ADCY1: variants seen among roughly 807,000 people sequenced by gnomAD.
ADCY1 encodes adenylate cyclase type 1.
ADCY1 carries 28 observed loss-of-function variants against 105.4 expected under a neutral mutation model. The observed-to-expected ratio is 0.27, with a 90% CI of 0.20 to 0.36. The LOEUF (loss-of-function observed/expected upper bound fraction) is 0.36, where lower values mean the gene tolerates loss of function less well. Ranked by LOEUF, ADCY1 falls within the 10% of genes least tolerant of loss-of-function variation. ADCY1 has a pLI of 1.00. For missense variants in ADCY1, 977 were observed against 1,434.2 expected (o/e 0.68, Z 5.15); for synonymous variants, 655 against 623.8 (o/e 1.05, Z -0.75).
At chr7:45,699,026 A>G (rs770932115) in intron 14 of ADCY1, among the ~76,000 whole-genome samples, 3 of 152,128 alleles carry the variant, frequency 2.0e-5, no homozygotes, top group Admixed American at 6.5e-5. Context: ...CTGAGTACCA[A>G]CTCATGGTGT....
chr7:45,656,256 T>C (rs1178218945), intron 5 of ADCY1, among the ~76,000 whole-genome samples: 6 of 150,758 alleles, frequency 4.0e-5, no homozygotes, highest in Admixed American at 2.6e-4. Flanking sequence ...TGAGGGGAGA[T>C]AGCGCCACTG....
At chr7:45,651,282 A>G (rs576403298) in intron 5 of ADCY1, among the ~76,000 whole-genome samples, 252 of 151,846 alleles carry the variant, frequency 1.7e-3, no homozygotes, top group African/African-American at 6.0e-3. Context: ...AGACCCTGGG[A>G]CCCACCAGTG....
chr7:45,648,833 G>A (rs752055362), intron 5 of ADCY1, 36 bp downstream of exon 5: 10 of 1,607,368 alleles, frequency 6.2e-6, no homozygotes, highest in South Asian at 5.5e-5. Flanking sequence ...AGTGGCCTGG[G>A]GCATCTACAC....
At chr7:45,620,009 A>G (rs1297549240) in intron 3 of ADCY1, among the ~76,000 whole-genome samples, 2 of 152,212 alleles carry the variant, frequency 1.3e-5, no homozygotes, top group Non-Finnish European at 2.9e-5. Context: ...TGGTATCTCA[A>G]TAAAGGTGTT....
At chr7:45,610,769 A>AAGGTGAGGTGATGATGGAGGG (rs1793527993) in intron 3 of ADCY1, among the ~76,000 whole-genome samples, 18 of 21,538 alleles carry the variant, frequency 8.4e-4, no homozygotes, top group African/African-American at 3.5e-3. Flanking sequence ...TAGAGGTGAT[A>AAGGTGAGGTGATGATGGAGGG]GTGGAGGTGT....
intron 2 of ADCY1, among the ~76,000 whole-genome samples, chr7:45,596,400 C>A (rs1473787430): frequency 1.3e-5 from 2 of 152,004 alleles, no homozygotes; most frequent in African/African-American, 4.8e-5. Flanking sequence ...CAGGGAGACA[C>A]ACCTGGTCCT....
chr7:45,718,420 G>A lies in ADCY1; in HGVS notation c.*4425G>A, dbSNP rs1785400029. On this transcript the variant is annotated 3_prime_UTR_variant, in exon 20 of 20. Transcript: ENST00000297323. ...GAAGAGCCCTCTGAACAGGACACCT[G>A]TTCAGGCCTGGGGGCCCCATGCTAG... is the stretch of plus-strand genomic sequence containing the variant. The A allele has an allele frequency of 6.6e-6, 1 of 152,244 alleles. No homozygotes were observed. Among genetic ancestry groups the A allele is most frequent in the African/African-American group, 2.4e-5 (1 of 41,456 alleles). 9.4% of individuals were successfully genotyped at this position (152,244 alleles called of 1,614,324 possible).
In ADCY1 at chr7:45,610,491, AT is replaced by A; in HGVS notation, c.903del (p.Asn301LysfsTer2). The A allele has an allele frequency of 2.5e-6, 4 of 1,613,402 alleles. No homozygotes were observed. Among genetic ancestry groups the A allele is most frequent in the African/African-American group, 1.3e-5 (1 of 75,016 alleles). ...AAGATTTACATCCAGAGGCACGACA[AT>A]GTGAGGTAGGGCTGGTGCTGACCCG... The part of the protein sequence containing the change: ...FHKIYIQRHD[N>X]VSILFADIVG... On this transcript the variant is annotated frameshift_variant, in exon 3 of 20. Coordinates refer to ENST00000297323, the MANE Select transcript of ADCY1 (RefSeq NM_021116.4). LOFTEE classifies it high-confidence loss of function.
At chr7:45,599,056 C>T (rs1793150437) in intron 2 of ADCY1, among the ~76,000 whole-genome samples, 1 of 152,106 alleles carries the variant, frequency 6.6e-6, no homozygotes, top group African/African-American at 2.4e-5. Context: ...GCTGCCTGGT[C>T]GGGGTGACAT....
chr7:45,683,249 C>G lies in ADCY1; in HGVS notation c.1984-1730C>G, dbSNP rs1038397738. On this transcript the variant is annotated intron_variant, in intron 11 of 19. Coordinates refer to ENST00000297323, the MANE Select transcript of ADCY1 (RefSeq NM_021116.4). ...ATCTACATACTTTTCCCCCAGACCC[C>G]CTTGTCATTAATTTTCCAACCATGT... is the stretch of plus-strand genomic sequence containing the variant. Among the ~76,000 whole-genome samples, 3 of 152,302 alleles carry G rather than the reference C, an allele frequency of 2.0e-5. No individual in the cohort carries two copies. The South Asian group carries it at 6.2e-4, about 32-fold the overall frequency.
Position 45,710,786 on chromosome 7 carries a change from T to C in ADCY1, c.3057+134T>C, listed in dbSNP as rs1019298616. 5.6e-6 allele frequency: 7 copies of C among 1,253,500 alleles called. No homozygotes were observed. The African/African-American group carries it at 9.2e-5, about 17-fold the overall frequency. The allele number at this position is 1,253,500 out of a possible 1,614,324, so 77.6% of individuals were successfully genotyped here. On this transcript the variant is annotated intron_variant, in intron 19 of 19. Transcript: ENST00000297323. This position sits in a 1 kb window ranked among gnomAD's most constrained non-coding sequence, Gnocchi z 4.7. ...GGGCAGAAAGAGCTGCATATTTCGGTCTGTCTGCTCTGGAGGGCATCCTGG... is the reference window on the plus strand; with the variant it reads ...GGGCAGAAAGAGCTGCATATTTCGGCCTGTCTGCTCTGGAGGGCATCCTGG...
At chr7:45,609,830 C>T (rs1431802240) in intron 2 of ADCY1, among the ~76,000 whole-genome samples, 3 of 152,134 alleles carry the variant, frequency 2.0e-5, no homozygotes, top group African/African-American at 7.2e-5. Flanking sequence ...TTTGAAAAAT[C>T]CAAACATTTA....
At chr7:45,687,485 T>G (rs931421137) in intron 14 of ADCY1, among the ~76,000 whole-genome samples, 1 of 152,182 alleles carries the variant, frequency 6.6e-6, no homozygotes, top group Non-Finnish European at 1.5e-5. Flanking sequence ...ATCAAACATT[T>G]AGGACCAGGC....
Position 45,686,051 on chromosome 7 carries a change from C to T in ADCY1, c.2163C>T (p.Thr721=), listed in dbSNP as rs980771358. ...GGGGCCAGCGCACAGCCCTGCCCAC[C>T]CTGCCCTGCGAGTCTACACACCATG... ...SSGGQRTALP[T]LPCESTHHAL... The change falls in exon 13 of 20, where the codon ACC becomes ACT. Residue 721 remains threonine (T), a synonymous_variant. Coordinates refer to ENST00000297323, the MANE Select transcript of ADCY1 (RefSeq NM_021116.4). This position sits in a 1 kb window ranked among gnomAD's most constrained non-coding sequence, Gnocchi z 4.3. The T allele has an allele frequency of 6.2e-7, 1 of 1,611,258 alleles. No individual in the cohort carries two copies. Among genetic ancestry groups the T allele is most frequent in the African/African-American group, 1.4e-5 (1 of 73,892 alleles).
intron 1 of ADCY1, among the ~76,000 whole-genome samples, chr7:45,580,750 T>C (rs1792509681): frequency 1.3e-5 from 2 of 152,158 alleles, no homozygotes. Flanking sequence ...GGACTTGCCC[T>C]TTCTCCCAAG....
intron 4 of ADCY1, among the ~76,000 whole-genome samples, chr7:45,641,250 C>A (rs1168773438): frequency 6.6e-6 from 1 of 152,176 alleles, no homozygotes; most frequent in Admixed American, 6.5e-5. Context: ...GCAAGGACTG[C>A]ACCCACGTCA....
chr7:45,709,720 C>T (rs1257250986), intron 18 of ADCY1, among the ~76,000 whole-genome samples: 1 of 152,206 alleles, frequency 6.6e-6, no homozygotes, highest in Non-Finnish European at 1.5e-5. Context: ...CGGTCGAGGC[C>T]AGAAAGCCCC....
At chr7:45,625,444 C>CATAT (rs1454883935) in intron 4 of ADCY1, among the ~76,000 whole-genome samples, 1 of 152,138 alleles carries the variant, frequency 6.6e-6, no homozygotes, top group Non-Finnish European at 1.5e-5. Flanking sequence ...TGTGCCTGTA[C>CATAT]ATATGTGTGT....
At position 45,575,313 on chromosome 7, in the gene ADCY1, T is replaced by TA; in HGVS notation, c.639+131_639+132insA. The TA allele has an allele frequency of 8.4e-7, 1 of 1,191,736 alleles. No individual in the cohort carries two copies. The highest frequency in any genetic ancestry group is 1.1e-6 in the Non-Finnish European group (1 of 877,056). The allele number at this position is 1,191,736 out of a possible 1,614,324, so 73.8% of individuals were successfully genotyped here. ...CACTGAGGCTCCGAGTGGGGGTGTGTTCAAGGTCACTCCTACGAGTTGGGG... is the reference window on the plus strand; with the variant it reads ...CACTGAGGCTCCGAGTGGGGGTGTGTATCAAGGTCACTCCTACGAGTTGGGG... On this transcript the variant is annotated intron_variant, in intron 1 of 19. Coordinates refer to ENST00000297323, the MANE Select transcript of ADCY1 (RefSeq NM_021116.4). The surrounding 1 kb of genome is among the most constrained non-coding windows in gnomAD (Gnocchi z 4.7).
Sources: gnomAD v4.1 joint callset for allele counts (sites outside exome capture counted in the v4.1 genomes callset) on GRCh38, gnomAD v4.1.1 for gene constraint, Gnocchi (gnomAD v3.1) non-coding constraint, MANE v1.5 for transcripts, NCBI Gene and HGNC (gene_info 2026-07-23, HGNC 2026-07-21) for gene names.